The following TRABD2B variants were observed in gnomAD, a reference collection of about 807,000 sequenced individuals.
TRABD2B encodes TraB domain containing 2B.
In TRABD2B, 14 loss-of-function variants were observed where a neutral mutation model predicts 40.1. That is an observed-to-expected ratio of 0.35 (90% CI 0.23 to 0.55). The LOEUF (loss-of-function observed/expected upper bound fraction) is 0.55, where lower values mean the gene tolerates loss of function less well. TRABD2B is among the 20% of genes least tolerant of loss of function. The pLI is 0.90. For synonymous variants in TRABD2B, 263 were observed against 277.0 expected (o/e 0.95, Z 0.50); for missense variants, 541 against 648.6 (o/e 0.83, Z 1.80).
At chr1:47,806,084 G>A (rs1040598091) in intron 2 of TRABD2B, among the ~76,000 whole-genome samples, 1 of 152,232 alleles carries the variant, frequency 6.6e-6, no homozygotes, top group Non-Finnish European at 1.5e-5. Context: ...TTGAAATTAC[G>A]TCTGGCACCG....
intron 2 of TRABD2B, among the ~76,000 whole-genome samples, chr1:47,821,518 G>C (rs1645110895): frequency 1.3e-5 from 2 of 152,222 alleles, no homozygotes; most frequent in African/African-American, 4.8e-5. Flanking sequence ...CTCCAGGGCG[G>C]GAGTTGCCCT....
rs138043342 is a variant in TRABD2B, at chr1:47,948,336, A to C, written c.666+45698T>G. Among the ~76,000 whole-genome samples the C allele has an allele frequency of 2.0e-5, 3 of 152,282 alleles. No homozygotes were observed. In the East Asian group the frequency reaches 5.8e-4, roughly 29 times the overall value. ...AAATGGCTTTGCAAAAGGTACAAGG[A>C]GTCTAGTCAAACATTAAACTTCCCA... On this transcript the variant is annotated intron_variant, in intron 2 of 6. Transcript: ENST00000606738.
chr1:47,968,009 C>G (rs1645627593), intron 2 of TRABD2B, among the ~76,000 whole-genome samples: 1 of 152,184 alleles, frequency 6.6e-6, no homozygotes, highest in Non-Finnish European at 1.5e-5. Flanking sequence ...GCATGGTTTT[C>G]AAGGGAAGAT....
intron 2 of TRABD2B, among the ~76,000 whole-genome samples, chr1:47,830,946 A>G (rs896207121): frequency 6.6e-6 from 1 of 152,242 alleles, no homozygotes; most frequent in South Asian, 2.1e-4. Context: ...AGAGAGAGAA[A>G]GGCAGAAAGA....
At chr1:47,871,477 T>A (rs559555207) in intron 2 of TRABD2B, among the ~76,000 whole-genome samples, 1 of 152,198 alleles carries the variant, frequency 6.6e-6, no homozygotes, top group African/African-American at 2.4e-5. Context: ...ACACACTGCA[T>A]GCCTACTGAA....
chr1:47,949,027 C>T (rs185894703), intron 2 of TRABD2B, among the ~76,000 whole-genome samples: 31 of 152,192 alleles, frequency 2.0e-4, no homozygotes, highest in African/African-American at 7.2e-4. Context: ...AAGGGGGTTA[C>T]GTGACTAACA....
intron 2 of TRABD2B, among the ~76,000 whole-genome samples, chr1:47,905,416 C>T (rs1017149814): frequency 1.3e-5 from 2 of 152,140 alleles, no homozygotes; most frequent in Non-Finnish European, 2.9e-5. Flanking sequence ...TTTCCCCAAC[C>T]CAGACTTATC....
chr1:47,902,309 G>A (rs1367605633), intron 2 of TRABD2B, among the ~76,000 whole-genome samples: 6 of 152,146 alleles, frequency 3.9e-5, no homozygotes, highest in Non-Finnish European at 7.3e-5. Context: ...CACAATAGGT[G>A]TTGATAAAAT....
chr1:47,940,394 TG>T lies in TRABD2B; in HGVS notation c.666+53639del, dbSNP rs556153025. Among the ~76,000 whole-genome samples the T allele has an allele frequency of 3.3e-5, 5 of 152,192 alleles. No homozygotes were observed. The South Asian group carries it at 1.0e-3, about 31-fold the overall frequency. On this transcript the variant is annotated intron_variant, in intron 2 of 6. Transcript: ENST00000606738. The stretch of plus-strand genomic sequence containing the variant: ...GTCCGACGATGGCGATGATGGAATT[TG>T]TTGGGGTGTACTATGGACAGGGACT...
intron 2 of TRABD2B, among the ~76,000 whole-genome samples, chr1:47,802,044 T>G (rs993124350): frequency 2.4e-4 from 36 of 152,186 alleles, no homozygotes; most frequent in African/African-American, 7.7e-4. Flanking sequence ...AAAGGCCCGG[T>G]TGGATGTCAA....
At chr1:47,834,569 A>T (rs1308292294) in intron 2 of TRABD2B, among the ~76,000 whole-genome samples, 3 of 128,194 alleles carry the variant, frequency 2.3e-5, no homozygotes, top group African/African-American at 9.0e-5. Flanking sequence ...TCCAACACAC[A>T]CACACACGCG....
chr1:47,846,641 G>T (rs1017259002), intron 2 of TRABD2B, among the ~76,000 whole-genome samples: 6 of 152,038 alleles, frequency 3.9e-5, no homozygotes, highest in African/African-American at 1.4e-4. Context: ...TCAATTCAGG[G>T]AACAAAAGGA....
chr1:47,979,066 A>C (rs1353797382), intron 2 of TRABD2B, among the ~76,000 whole-genome samples: 2 of 152,136 alleles, frequency 1.3e-5, no homozygotes, highest in Non-Finnish European at 2.9e-5. Context: ...CACGAGGCTG[A>C]GAAGGCTCTC....
At chr1:47,856,894 G>T (rs1379226305) in intron 2 of TRABD2B, among the ~76,000 whole-genome samples, 2 of 152,258 alleles carry the variant, frequency 1.3e-5, no homozygotes, top group African/African-American at 4.8e-5. Context: ...GAAAGGAAAA[G>T]GAAAAGGAAA....
intron 2 of TRABD2B, among the ~76,000 whole-genome samples, chr1:47,957,653 T>C (rs1025981375): frequency 2.0e-5 from 3 of 151,798 alleles, no homozygotes; most frequent in African/African-American, 7.3e-5. Flanking sequence ...GTGAGAAGTT[T>C]AGAGAAAAAA....
intron 2 of TRABD2B, among the ~76,000 whole-genome samples, chr1:47,855,090 T>C (rs1443255569): frequency 6.6e-6 from 1 of 152,192 alleles, no homozygotes; most frequent in Non-Finnish European, 1.5e-5. Flanking sequence ...GTGGTTCATG[T>C]GGGTTTTTGA....
At chr1:47,879,328 T>C (rs1644268366) in intron 2 of TRABD2B, among the ~76,000 whole-genome samples, 2 of 152,202 alleles carry the variant, frequency 1.3e-5, no homozygotes, top group South Asian at 4.1e-4. Flanking sequence ...ATATGTAAAA[T>C]TTTTATTTTA....
intron 2 of TRABD2B, among the ~76,000 whole-genome samples, chr1:47,926,292 G>C (rs1267214333): frequency 6.6e-6 from 1 of 152,176 alleles, no homozygotes; most frequent in East Asian, 1.9e-4. Context: ...GATAAGACTG[G>C]GGAAGTAAAA....
At chr1:47,960,233 T>C (rs1281443035) in intron 2 of TRABD2B, among the ~76,000 whole-genome samples, 2 of 152,106 alleles carry the variant, frequency 1.3e-5, no homozygotes, top group Non-Finnish European at 2.9e-5. Flanking sequence ...TAAGAGCTAT[T>C]TATGACAAAC....
Sources: gnomAD v4.1 joint callset for allele counts (sites outside exome capture counted in the v4.1 genomes callset) on GRCh38, gnomAD v4.1.1 for gene constraint, MANE v1.5 for transcripts, NCBI Gene and HGNC (gene_info 2026-07-23, HGNC 2026-07-21) for gene names.